The following UBE2E2 variants were observed in gnomAD, a reference collection of about 807,000 sequenced individuals.
UBE2E2 encodes ubiquitin-conjugating enzyme E2 E2.
Under a neutral mutation model 24.7 loss-of-function variants are expected in UBE2E2, and 6 were observed. The ratio of observed to expected loss-of-function variants is 0.24; its 90% CI spans 0.13 to 0.48. UBE2E2 has a LOEUF of 0.48. Among genes scored for constraint, UBE2E2 ranks in the 20% least tolerant of loss-of-function variants. The pLI is 0.99. For synonymous variants in UBE2E2, 104 were observed against 83.6 expected, an observed-to-expected ratio of 1.24 and a Z score of -1.33; for missense variants, 169 against 245.0, an observed-to-expected ratio of 0.69 and a Z score of 2.07.
rs943491403 is a variant in UBE2E2, at chr3:23,451,539, G to T, written c.228-48069G>T. Among the ~76,000 whole-genome samples the T allele has an allele frequency of 1.4e-4, 21 of 152,148 alleles. 2 individuals carry two copies. Among genetic ancestry groups the T allele is most frequent in the Non-Finnish European group, 4.4e-5 (3 of 68,030 alleles). On this transcript the variant is annotated intron_variant, in intron 3 of 5. Coordinates refer to ENST00000396703, the MANE Select transcript of UBE2E2 (RefSeq NM_152653.4). Reference sequence around the variant, plus strand: ...TGAGCGCTTCTGACGACTATACCGTGTTATCTCTTAAGGAGTCTTGATTAT... The same window carrying T: ...TGAGCGCTTCTGACGACTATACCGTTTTATCTCTTAAGGAGTCTTGATTAT...
chr3:23,251,067 C>G (rs1697561362), intron 3 of UBE2E2, among the ~76,000 whole-genome samples: 1 of 152,114 alleles, frequency 6.6e-6, no homozygotes, highest in African/African-American at 2.4e-5. Flanking sequence ...CTATGTTGCC[C>G]ACGCTGGTCT....
chr3:23,236,483 C>CTTT (rs530403264), intron 3 of UBE2E2, among the ~76,000 whole-genome samples: 1 of 124,354 alleles, frequency 8.0e-6, no homozygotes, highest in African/African-American at 3.0e-5. Context: ...TTCTTAGGTC[C>CTTT]TTTTTTTTTT....
At chr3:23,310,674 T>A (rs1006271238) in intron 3 of UBE2E2, among the ~76,000 whole-genome samples, 18 of 152,088 alleles carry the variant, frequency 1.2e-4, no homozygotes, top group Admixed American at 3.3e-4. Flanking sequence ...ACTTGAGCCC[T>A]GGAGTTCAAG....
chr3:23,508,442 G>A (rs572040887), intron 4 of UBE2E2, among the ~76,000 whole-genome samples: 10 of 152,304 alleles, frequency 6.6e-5, no homozygotes, highest in South Asian at 6.2e-4. Context: ...GGGAAGATAC[G>A]TTTGTTCCTA....
intron 3 of UBE2E2, among the ~76,000 whole-genome samples, chr3:23,475,889 G>T (rs564364252): frequency 1.3e-5 from 2 of 152,196 alleles, no homozygotes; most frequent in South Asian, 4.1e-4. Flanking sequence ...CTAAAAGCAG[G>T]ATTTACAGTG....
At chr3:23,357,967 C>G (rs1292750037) in intron 3 of UBE2E2, among the ~76,000 whole-genome samples, 2 of 152,150 alleles carry the variant, frequency 1.3e-5, no homozygotes, top group Non-Finnish European at 2.9e-5. Context: ...TTCCAGGTAG[C>G]TGGGACTGCA....
intron 3 of UBE2E2, among the ~76,000 whole-genome samples, chr3:23,433,241 A>G (rs1216769482): frequency 2.6e-5 from 4 of 151,912 alleles, no homozygotes; most frequent in Non-Finnish European, 5.9e-5. Context: ...ATTTTGCTAT[A>G]TCATTATTGT....
chr3:23,412,236 T>G (rs1017921561), intron 3 of UBE2E2, among the ~76,000 whole-genome samples: 12 of 152,196 alleles, frequency 7.9e-5, no homozygotes, highest in Non-Finnish European at 1.3e-4. Context: ...TATTTGTAAT[T>G]TTCATTTTCA....
rs541579218 is a variant in UBE2E2 at position 23,233,411 on chromosome 3, A to G, written c.227+16099A>G. Among the ~76,000 whole-genome samples the G allele has an allele frequency of 2.4e-4, 37 of 152,326 alleles. No individual in the cohort carries two copies. In the South Asian group the frequency reaches 4.4e-3, roughly 18 times the overall value. ...TGAGATCTGAAGTGGGTGGAATAGA[A>G]TAGATAAATTTGCATTTTAAGAGGG... is the stretch of plus-strand genomic sequence containing the variant. On this transcript the variant is annotated intron_variant, in intron 3 of 5. Coordinates refer to ENST00000396703, the MANE Select transcript of UBE2E2 (RefSeq NM_152653.4).
chr3:23,385,352 A>G (rs1021202441), intron 3 of UBE2E2, among the ~76,000 whole-genome samples: 6 of 152,166 alleles, frequency 3.9e-5, no homozygotes, highest in South Asian at 2.1e-4. Context: ...TTATCATTTG[A>G]TGCTGTGATT....
chr3:23,346,673 G>C (rs1195661845), intron 3 of UBE2E2, among the ~76,000 whole-genome samples: 1 of 152,124 alleles, frequency 6.6e-6, no homozygotes, highest in Non-Finnish European at 1.5e-5. Context: ...CATGCATAAA[G>C]TTTTAACCAT....
At chr3:23,228,435 A>G (rs528571794) in intron 3 of UBE2E2, among the ~76,000 whole-genome samples, 1 of 152,288 alleles carries the variant, frequency 6.6e-6, no homozygotes, top group East Asian at 1.9e-4. Context: ...GAAGTGTCAT[A>G]TTACTCTCCA....
At chr3:23,274,486 C>T (rs1013577858) in intron 3 of UBE2E2, among the ~76,000 whole-genome samples, 1 of 151,918 alleles carries the variant, frequency 6.6e-6, no homozygotes, top group African/African-American at 2.4e-5. Context: ...CTCCCAAGTA[C>T]CTGGGACTGT....
intron 3 of UBE2E2, among the ~76,000 whole-genome samples, chr3:23,423,237 TTAAC>T (rs1697846234): frequency 6.6e-6 from 1 of 152,236 alleles, no homozygotes; most frequent in Non-Finnish European, 1.5e-5. Context: ...AGCTAGTGCT[TTAAC>T]TAAAGCTAGT....
chr3:23,444,071 T>G (rs200246756), intron 3 of UBE2E2, among the ~76,000 whole-genome samples: 2 of 147,410 alleles, frequency 1.4e-5, no homozygotes, highest in East Asian at 4.4e-4. Context: ...TTTTGTTTTT[T>G]TTTTTTTTTT....
chr3:23,401,468 C>G (rs1279880761), intron 3 of UBE2E2, among the ~76,000 whole-genome samples: 2 of 152,166 alleles, frequency 1.3e-5, no homozygotes, highest in African/African-American at 2.4e-5. Flanking sequence ...TCCGTTTGCT[C>G]AAGATCACCT....
intron 3 of UBE2E2, among the ~76,000 whole-genome samples, chr3:23,384,693 C>G (rs1696760772): frequency 6.6e-6 from 1 of 152,076 alleles, no homozygotes; most frequent in Non-Finnish European, 1.5e-5. Flanking sequence ...CAGGCACATG[C>G]CAGCACGCCT....
intron 3 of UBE2E2, among the ~76,000 whole-genome samples, chr3:23,406,949 TGAG>T (rs1280774331): frequency 6.6e-6 from 1 of 152,140 alleles, no homozygotes; most frequent in African/African-American, 2.4e-5. Context: ...GTGTCCCCCA[TGAG>T]GAGGGCAGGG....
intron 3 of UBE2E2, among the ~76,000 whole-genome samples, chr3:23,492,666 A>G (rs1170543545): frequency 6.6e-6 from 1 of 152,210 alleles, no homozygotes; most frequent in Non-Finnish European, 1.5e-5. Context: ...GCCATCAATT[A>G]TAATCCCTTC....
Sources: allele counts gnomAD v4.1 joint callset (sites outside exome capture counted in the v4.1 genomes callset), GRCh38; gene constraint gnomAD v4.1.1; transcripts MANE v1.5; gene names NCBI Gene and HGNC (gene_info 2026-07-23, HGNC 2026-07-21).